FGD6: variants seen among roughly 807,000 people sequenced by gnomAD.
FGD6 encodes the protein FYVE, RhoGEF and PH domain-containing protein 6.
In FGD6, 90 loss-of-function variants were observed where a neutral mutation model predicts 149.4. That is an observed-to-expected ratio of 0.60 (90% CI 0.51 to 0.72). The LOEUF (loss-of-function observed/expected upper bound fraction) is 0.72. Among genes scored for constraint, FGD6 ranks in the 30% least tolerant of loss-of-function variants. FGD6 has a pLI of 0.00. For missense variants in FGD6, 1,437 were observed against 1,684.8 expected, an observed-to-expected ratio of 0.85 and a Z score of 2.57; for synonymous variants, 527 against 584.0, an observed-to-expected ratio of 0.90 and a Z score of 1.41.
At chr12:95,160,008 TAA>T (rs1020202934) in intron 3 of FGD6, among the ~76,000 whole-genome samples, 3 of 134,962 alleles carry the variant, frequency 2.2e-5, no homozygotes, top group Admixed American at 7.5e-5. Flanking sequence ...ACCTGTCTCT[TAA>T]AAAAAAAAAA....
At position 95,211,130 on chromosome 12, in the gene FGD6, T is replaced by C; in HGVS notation, c.154A>G (p.Ile52Val). The change falls in exon 2 of 21, where the codon ATA becomes GTA. Residue 52 changes from isoleucine to valine, a missense_variant. Ile to Val is a conservative substitution (Grantham distance 29, BLOSUM62 3). Transcript: ENST00000343958. ...TTCAGGACTTTTGGTTTTGGGGCTATTGCTGGTTTCATTTTCTTTGTCGAC... is the reference window on the plus strand; with the variant it reads ...TTCAGGACTTTTGGTTTTGGGGCTACTGCTGGTTTCATTTTCTTTGTCGAC... ...PQSTKKMKPAIAPKPKVLKTS... is the reference protein window; with the variant it reads ...PQSTKKMKPAVAPKPKVLKTS... The C allele has an allele frequency of 1.2e-6, 2 of 1,614,234 alleles. No homozygotes were observed. The highest frequency in any genetic ancestry group is 1.1e-5 in the South Asian group (1 of 91,090).
intron 8 of FGD6, among the ~76,000 whole-genome samples, chr12:95,116,241 T>C (rs957087932): frequency 5.9e-5 from 9 of 152,174 alleles, no homozygotes; most frequent in African/African-American, 1.7e-4. Flanking sequence ...GGCTGACAGT[T>C]GACAGGGTTG....
rs1448490753 is a variant in FGD6, at chr12:95,149,383, T to TA, written c.2685+3427dup. On this transcript the variant is annotated intron_variant, in intron 5 of 20. Coordinates refer to ENST00000343958, the MANE Select transcript of FGD6 (RefSeq NM_018351.4). Reference sequence around the variant, plus strand: ...TATATTATATATAGCACATATTTTATATATATAGCATATATTACATAATAT... The same window carrying TA: ...TATATTATATATAGCACATATTTTATAATATATAGCATATATTACATAATAT... Among the ~76,000 whole-genome samples the TA allele has an allele frequency of 3.9e-5, 4 of 103,730 alleles. No individual in the cohort carries two copies. In the East Asian group the frequency reaches 9.8e-4, roughly 26 times the overall value. 68.1% of individuals were successfully genotyped at this position (103,730 alleles called of 152,430 possible).
rs1466259933 is a variant in FGD6, at chr12:95,152,831, C to T, written c.2665G>A (p.Val889Met). ...CTTACAATATGCAAAAGTTTTAACA[C>T]ATCCACAAACCTGTAAAAAACAACA... ...IMSSEKVFVD[V>M]LKLLHIDFRD... Residue 889 changes from valine (V) to methionine (M), a missense_variant, in exon 5 of 21, where the codon GTG becomes ATG. By Grantham distance (21) the Val-to-Met change is conservative. Coordinates refer to ENST00000343958, the MANE Select transcript of FGD6 (RefSeq NM_018351.4). 2 of 1,613,288 alleles carry T rather than the reference C, an allele frequency of 1.2e-6. No homozygotes were observed. Among genetic ancestry groups the T allele is most frequent in the South Asian group, 1.1e-5 (1 of 91,008 alleles).
intron 17 of FGD6, among the ~76,000 whole-genome samples, chr12:95,090,456 T>A (rs1878016677): frequency 1.3e-5 from 2 of 152,172 alleles, no homozygotes; most frequent in Admixed American, 1.3e-4. Context: ...TTATTATAGT[T>A]GTCTAGATGA....
chr12:95,098,867 A>ATTTTT (rs63204961), intron 14 of FGD6, among the ~76,000 whole-genome samples: 43 of 126,734 alleles, frequency 3.4e-4, no homozygotes, highest in Non-Finnish European at 4.7e-4. Context: ...GGCCCTTTTA[A>ATTTTT]TTTTTTTTTT....
intron 8 of FGD6, among the ~76,000 whole-genome samples, chr12:95,115,793 C>T (rs950094841): frequency 1.3e-5 from 2 of 152,168 alleles, no homozygotes; most frequent in East Asian, 3.8e-4. Context: ...GATCTTCAAA[C>T]ATAACAGATG....
In FGD6 at chr12:95,209,333, T is replaced by C. The variant is rs2056710346; in HGVS notation, c.1951A>G (p.Ser651Gly). 6.2e-7 allele frequency: 1 copy of C among 1,613,068 alleles called. No homozygotes were observed. The highest frequency in any genetic ancestry group is 2.2e-5 in the East Asian group (1 of 44,892). Reference protein sequence around the residue: ...KSDFQKFWSKSSQLGDTTTGH... With the variant: ...KSDFQKFWSKGSQLGDTTTGH... ...GTGGTGGTGTCTCCGAGTTGGCTAC[T>C]CTTGGACCAAAATTTTTGAAAGTCA... The change falls in exon 2 of 21, where the codon AGT (serine) becomes GGT (glycine). Residue 651 changes from serine to glycine, a missense_variant. By Grantham distance (56) the Ser-to-Gly change is moderately conservative (BLOSUM62 0). Coordinates refer to ENST00000343958, the MANE Select transcript of FGD6 (RefSeq NM_018351.4).
chr12:95,150,033 C>CACACT (rs1555220380), intron 5 of FGD6, among the ~76,000 whole-genome samples: 1 of 119,446 alleles, frequency 8.4e-6, no homozygotes, highest in East Asian at 2.3e-4. Flanking sequence ...CACACACACA[C>CACACT]TTTTTTTTTT....
At chr12:95,190,298 T>C (rs1881550962) in intron 2 of FGD6, among the ~76,000 whole-genome samples, 1 of 152,014 alleles carries the variant, frequency 6.6e-6, no homozygotes, top group African/African-American at 2.4e-5. Context: ...GCCTCCCGAG[T>C]AGCTGAGATT....
At chr12:95,126,212 A>G in intron 8 of FGD6, 2 of 1,199,044 alleles carry the variant, frequency 1.7e-6, no homozygotes, top group Non-Finnish European at 2.4e-6. Context: ...GTGCTGCTGC[A>G]GCTGCTGCTA....
At chr12:95,117,773 G>A (rs1340234439) in intron 8 of FGD6, among the ~76,000 whole-genome samples, 2 of 152,184 alleles carry the variant, frequency 1.3e-5, no homozygotes, top group African/African-American at 4.8e-5. Flanking sequence ...ACCGGGCGCA[G>A]TGGCTCATGC....
chr12:95,100,708 G>C, intron 14 of FGD6: 1 of 535,574 alleles, frequency 1.9e-6, no homozygotes, highest in Non-Finnish European at 3.8e-6. Context: ...GAAGTTGACT[G>C]CCCTTGCAAC....
chr12:95,117,267 T>A (rs753248980), intron 8 of FGD6, among the ~76,000 whole-genome samples: 2 of 152,200 alleles, frequency 1.3e-5, no homozygotes, highest in Admixed American at 6.5e-5. Context: ...TGGTTCAGCA[T>A]GTAGGTACAC....
intron 2 of FGD6, among the ~76,000 whole-genome samples, chr12:95,197,209 T>G (rs1423223845): frequency 6.6e-6 from 1 of 151,782 alleles, no homozygotes; most frequent in East Asian, 1.9e-4. Context: ...GAGGCCGAAG[T>G]GGGTGGATCA....
chr12:95,173,805 G>C (rs1054469225), intron 2 of FGD6, among the ~76,000 whole-genome samples: 1 of 152,034 alleles, frequency 6.6e-6, no homozygotes, highest in African/African-American at 2.4e-5. Flanking sequence ...TTCCACTCTG[G>C]CAGGCTCTTT....
intron 15 of FGD6, among the ~76,000 whole-genome samples, 198 bp downstream of exon 15, chr12:95,094,394 A>G (rs1592827870): frequency 6.6e-6 from 1 of 152,174 alleles, no homozygotes; most frequent in East Asian, 1.9e-4. Flanking sequence ...GCTATATGCT[A>G]TCACAGACTT....
intron 19 of FGD6, among the ~76,000 whole-genome samples, chr12:95,084,980 CA>C (rs1396597267): frequency 2.6e-5 from 4 of 152,188 alleles, no homozygotes; most frequent in African/African-American, 9.7e-5. Flanking sequence ...GTAAGCTATT[CA>C]CCTGGATCTC....
chr12:95,157,050 C>T lies in FGD6; in HGVS notation c.2587-4057G>A, dbSNP rs182706329. Among the ~76,000 whole-genome samples the T allele has an allele frequency of 1.6e-4, 25 of 152,208 alleles. No individual in the cohort carries two copies. In the East Asian group the frequency reaches 4.6e-3, roughly 28 times the overall value. Reference sequence around the variant, plus strand: ...ACTGCTAAACCTAATACCCACACATCCACTCTCCCACCAAGATTTAACAAA... The same window carrying T: ...ACTGCTAAACCTAATACCCACACATTCACTCTCCCACCAAGATTTAACAAA... On this transcript the variant is annotated intron_variant, in intron 3 of 20. Coordinates refer to ENST00000343958, the MANE Select transcript of FGD6 (RefSeq NM_018351.4).
Sources: gnomAD v4.1 joint callset for allele counts (sites outside exome capture counted in the v4.1 genomes callset) on GRCh38, gnomAD v4.1.1 for gene constraint, MANE v1.5 for transcripts, NCBI Gene and HGNC (gene_info 2026-07-23, HGNC 2026-07-21) for gene names.